Variants in SAE1 observed in about 807,000 individuals in gnomAD.
SAE1 encodes the protein SUMO-activating enzyme subunit 1.
SAE1 carries 11 observed loss-of-function variants against 40.6 expected under a neutral mutation model. The observed-to-expected ratio is 0.27, with a 90% confidence interval of 0.17 to 0.45. SAE1 has a LOEUF of 0.45. SAE1 is among the 20% of genes least tolerant of loss of function. The pLI is 1.00. For synonymous variants in SAE1, 155 were observed against 154.3 expected (o/e 1.00, Z -0.03); for missense variants, 373 against 427.3 (o/e 0.87, Z 1.12).
intron 1 of SAE1, among the ~76,000 whole-genome samples, chr19:47,134,860 T>C (rs1265236309): frequency 2.0e-5 from 3 of 152,050 alleles, no homozygotes; most frequent in Non-Finnish European, 4.4e-5. Context: ...GTAGGAATTA[T>C]TCTGAGGGAG....
intron 1 of SAE1, among the ~76,000 whole-genome samples, chr19:47,139,331 C>T (rs1037571030): frequency 4.6e-5 from 7 of 151,984 alleles, no homozygotes; most frequent in Non-Finnish European, 5.9e-5. Context: ...CGTGAGTCGC[C>T]GCGCCTGGCA....
At chr19:47,185,940 C>A (rs1011904625) in intron 6 of SAE1, among the ~76,000 whole-genome samples, 1 of 148,340 alleles carries the variant, frequency 6.7e-6, no homozygotes, top group Non-Finnish European at 1.5e-5. Context: ...ACATAACACT[C>A]AAAAAAATGC....
chr19:47,165,137 A>G (rs1422912587), intron 5 of SAE1, among the ~76,000 whole-genome samples: 2 of 122,068 alleles, frequency 1.6e-5, no homozygotes, highest in Non-Finnish European at 3.2e-5. Context: ...AGGCTGGAGT[A>G]CAGTGGTTTG....
intron 6 of SAE1, chr19:47,180,440 A>G (rs367851923): frequency 3.6e-5 from 13 of 362,738 alleles, no homozygotes; most frequent in Non-Finnish European, 6.0e-5. Context: ...ATCTTTGACT[A>G]TCACCATAGT....
intron 6 of SAE1, among the ~76,000 whole-genome samples, chr19:47,181,323 G>GTAA (rs1371761647): frequency 6.6e-5 from 10 of 151,700 alleles, no homozygotes; most frequent in Middle Eastern, 3.4e-3. Context: ...TCTCAAAATA[G>GTAA]TAATAATAAT....
rs535200592 is a variant in SAE1 at position 47,137,767 on chromosome 19, C to T, written c.99-5727C>T. ...TTTTTGTGATGGACTCTCACTCTGTCGCCCAGGCTGGAGTGCAGTGGCACA... is the reference window on the plus strand; with the variant it reads ...TTTTTGTGATGGACTCTCACTCTGTTGCCCAGGCTGGAGTGCAGTGGCACA... On this transcript the variant is annotated intron_variant, in intron 1 of 8. Transcript: ENST00000270225. Among the ~76,000 whole-genome samples, 11 of 136,134 alleles carry T rather than the reference C, an allele frequency of 8.1e-5. No individual in the cohort carries two copies. In the East Asian group the frequency reaches 1.8e-3, roughly 22 times the overall value. The allele number at this position is 136,134 out of a possible 152,430, so 89.3% of individuals were successfully genotyped here.
intron 6 of SAE1, among the ~76,000 whole-genome samples, chr19:47,196,720 C>G (rs1485692262): frequency 6.6e-6 from 1 of 151,970 alleles, no homozygotes; most frequent in African/African-American, 2.4e-5. Flanking sequence ...CTTTCTGCCC[C>G]CTTCAAACTC....
At chr19:47,180,984 T>C (rs1026854755) in intron 6 of SAE1, among the ~76,000 whole-genome samples, 1 of 151,428 alleles carries the variant, frequency 6.6e-6, no homozygotes, top group African/African-American at 2.4e-5. Flanking sequence ...TAGAGGAAGG[T>C]TTTTTTTCTT....
At position 47,153,037 on chromosome 19, in the gene SAE1, T is replaced by C. The variant is rs147934003; in HGVS notation, c.524T>C (p.Val175Ala). 8.7e-6 allele frequency: 14 copies of C among 1,611,394 alleles called. No individual in the cohort carries two copies. The African/African-American group carries it at 1.7e-4, about 20-fold the overall frequency. The change falls in exon 4 of 9, where the codon GTA (valine) becomes GCA (alanine). Residue 175 changes from valine (V) to alanine (A), a missense_variant. Physicochemically the swap from Val to Ala is moderately conservative, Grantham distance 64. Coordinates refer to ENST00000270225, the MANE Select transcript of SAE1 (RefSeq NM_005500.3). ...TFANLGEHEF[V>A]EEKTKVAKVS... ...GCCAATCTAGGAGAGCATGAGTTTG[T>C]AGAGTAAGTGTTGGGAGAGGAGGGG...
At chr19:47,145,298 G>C (rs1236349430) in intron 2 of SAE1, among the ~76,000 whole-genome samples, 1 of 152,020 alleles carries the variant, frequency 6.6e-6, no homozygotes, top group South Asian at 2.1e-4. Context: ...ACCGCACCCG[G>C]CCATGCCTGG....
intron 6 of SAE1, among the ~76,000 whole-genome samples, chr19:47,182,947 G>A (rs1043163848): frequency 2.6e-5 from 4 of 151,994 alleles, no homozygotes; most frequent in Admixed American, 6.6e-5. Flanking sequence ...AAACAGTCTC[G>A]TTCTGTCAGC....
intron 7 of SAE1, among the ~76,000 whole-genome samples, chr19:47,202,184 G>A (rs2058659402): frequency 6.6e-6 from 1 of 152,120 alleles, no homozygotes; most frequent in African/African-American, 2.4e-5. Flanking sequence ...CTGTGTCTTT[G>A]TCAAGATGTA....
intron 6 of SAE1, among the ~76,000 whole-genome samples, chr19:47,182,731 A>G (rs1001411749): frequency 1.3e-5 from 2 of 152,092 alleles, no homozygotes; most frequent in Non-Finnish European, 2.9e-5. Context: ...CACCAAGTCT[A>G]TACTACACAG....
At chr19:47,175,178 A>C (rs1600187634) in intron 6 of SAE1, among the ~76,000 whole-genome samples, 2 of 135,462 alleles carry the variant, frequency 1.5e-5, no homozygotes, top group African/African-American at 5.6e-5. Flanking sequence ...TTCAGGATGC[A>C]GGGTGGCTTT....
chr19:47,158,862 C>G (rs911866406), intron 5 of SAE1, among the ~76,000 whole-genome samples: 2 of 152,116 alleles, frequency 1.3e-5, no homozygotes, highest in Non-Finnish European at 2.9e-5. Flanking sequence ...TAGGCTCACC[C>G]TATGATTTAC....
At chr19:47,152,618 G>C (rs746931519) in intron 3 of SAE1, among the ~76,000 whole-genome samples, 3 of 152,142 alleles carry the variant, frequency 2.0e-5, no homozygotes, top group Non-Finnish European at 2.9e-5. Flanking sequence ...TATGTTCGTG[G>C]ATTACAGAAA....
chr19:47,153,055 A>C lies in SAE1; in HGVS notation c.527+15A>C. 1.3e-6 allele frequency: 2 copies of C among 1,590,110 alleles called. No homozygotes were observed. The highest frequency in any genetic ancestry group is 4.5e-5 in the East Asian group (2 of 44,404). ...GAGTTTGTAGAGTAAGTGTTGGGAG[A>C]GGAGGGGAGAACATAACATTTTCTC... is the stretch of plus-strand genomic sequence containing the variant. On this transcript the variant is annotated intron_variant, in intron 4 of 8. Transcript: ENST00000270225.
rs750507984 is a variant in SAE1 at position 47,169,911 on chromosome 19, T to G, written c.721T>G (p.Phe241Val). 1.9e-6 allele frequency: 3 copies of G among 1,613,626 alleles called. No homozygotes were observed. Among genetic ancestry groups the G allele is most frequent in the Non-Finnish European group, 2.5e-6 (3 of 1,179,506 alleles). Residue 241 changes from phenylalanine (F) to valine (V), a missense_variant, in exon 6 of 9, where the codon TTT becomes GTT. Transcript: ENST00000270225. ...AALKRTTSDY[F>V]LLQVLLKFRT... is the part of the protein sequence containing the mutation. Reference sequence around the variant, plus strand: ...TCTGAAGCGCACGACCTCCGACTACTTTCTCCTTCAAGGTGAGGTCTCAAA... The same window carrying G: ...TCTGAAGCGCACGACCTCCGACTACGTTCTCCTTCAAGGTGAGGTCTCAAA...
rs150601957 is a variant in SAE1, at chr19:47,152,509, G to A, written c.385-389G>A. On this transcript the variant is annotated intron_variant, in intron 3 of 8. Coordinates refer to ENST00000270225, the MANE Select transcript of SAE1 (RefSeq NM_005500.3). ...ACCTTTGGGTCAATTTAAAAAACTG[G>A]TTTTGCTTGTCCCTGTAGCTTATTT... 8.7e-4 allele frequency among the ~76,000 whole-genome samples: 132 copies of A among 152,276 alleles called. 2 individuals are homozygous for A. The East Asian group carries it at 0.025, about 29-fold the overall frequency.
Sources: allele counts gnomAD v4.1 joint callset (sites outside exome capture counted in the v4.1 genomes callset), GRCh38; gene constraint gnomAD v4.1.1; transcripts MANE v1.5; gene names NCBI Gene and HGNC (gene_info 2026-07-23, HGNC 2026-07-21).